TENT4A: variants seen among roughly 807,000 people sequenced by gnomAD.
The protein encoded by TENT4A is DNA polymerase kappa.
Under a neutral mutation model 72.8 loss-of-function variants are expected in TENT4A, and 7 were observed. The observed-to-expected ratio is 0.10, with a 90% CI of 0.05 to 0.18. The LOEUF is 0.18. TENT4A is among the 10% of genes least tolerant of loss of function. The pLI, the probability that TENT4A is intolerant of heterozygous loss-of-function variation, is 1.00. For synonymous variants in TENT4A, 456 were observed against 434.3 expected (o/e 1.05, Z -0.62); for missense variants, 831 against 1,017.7 (o/e 0.82, Z 2.50).
chr5:6,721,241 A>AGGTGG (rs1740632086), intron 1 of TENT4A, among the ~76,000 whole-genome samples: 1 of 152,234 alleles, frequency 6.6e-6, no homozygotes, highest in African/African-American at 2.4e-5. Flanking sequence ...TCAGGAGAGC[A>AGGTGG]GGTGGGGGAT....
In TENT4A at chr5:6,754,902, A is replaced by G; in HGVS notation, c.2336A>G (p.His779Arg). The change falls in exon 13 of 13, where the codon CAC (histidine) becomes CGC (arginine). Residue 779 changes from histidine to arginine, a missense_variant. Physicochemically the swap from His to Arg is conservative, Grantham distance 29 (BLOSUM62 0). Coordinates refer to ENST00000230859, the MANE Select transcript of TENT4A (RefSeq NM_006999.6). ...CGCACCGGCTGGAGGAGGAAAAAACACACACACACACGGGACAGTCTGCCC... is the reference window on the plus strand; with the variant it reads ...CGCACCGGCTGGAGGAGGAAAAAACGCACACACACACGGGACAGTCTGCCC... ...YNRTGWRRKKHTHTRDSLPVS... is the reference protein window; with the variant it reads ...YNRTGWRRKKRTHTRDSLPVS... 1 of 1,602,474 alleles carries G rather than the reference A, an allele frequency of 6.2e-7. No individual in the cohort carries two copies. Among genetic ancestry groups the G allele is most frequent in the Non-Finnish European group, 8.5e-7 (1 of 1,171,490 alleles).
chr5:6,716,644 A>T (rs560749493), intron 1 of TENT4A, among the ~76,000 whole-genome samples: 3 of 152,072 alleles, frequency 2.0e-5, no homozygotes, highest in Admixed American at 2.0e-4. Context: ...AATCCCCCAC[A>T]TTAAAGACTA....
intron 7 of TENT4A, 74 bp from the exon 8 acceptor site, chr5:6,748,390 T>G: frequency 6.3e-7 from 1 of 1,581,554 alleles, no homozygotes; most frequent in Non-Finnish European, 8.7e-7. Context: ...CAGAGTCACT[T>G]GTATGAGAAG....
In TENT4A at chr5:6,722,752, T is replaced by C. The variant is rs76457966; in HGVS notation, c.716+8053T>C. 8.5e-3 allele frequency among the ~76,000 whole-genome samples: 1,287 copies of C among 152,268 alleles called. 19 individuals are homozygous for C. Among genetic ancestry groups the C allele is most frequent in the African/African-American group, 0.03 (1,225 of 41,524 alleles). On this transcript the variant is annotated intron_variant, in intron 1 of 12. Coordinates refer to ENST00000230859, the MANE Select transcript of TENT4A (RefSeq NM_006999.6). Reference sequence around the variant, plus strand: ...AGTAGAAGGAGTGGATGAAGTGTTTTCTGAACTCTTTGCAGCTTCTAACAT... The same window carrying C: ...AGTAGAAGGAGTGGATGAAGTGTTTCCTGAACTCTTTGCAGCTTCTAACAT...
chr5:6,742,873 G>A (rs1177132824), intron 5 of TENT4A, among the ~76,000 whole-genome samples: 1 of 152,198 alleles, frequency 6.6e-6, no homozygotes, highest in Admixed American at 6.5e-5. Context: ...TACAGACTTT[G>A]CTTCTAGCTC....
At chr5:6,719,545 G>A (rs1740549388) in intron 1 of TENT4A, among the ~76,000 whole-genome samples, 1 of 152,204 alleles carries the variant, frequency 6.6e-6, no homozygotes, top group East Asian at 1.9e-4. Context: ...TGGCTTGTCA[G>A]TGCTTTGTCT....
rs746285850 is a variant in TENT4A, at chr5:6,754,797, C to G, written c.2231C>G (p.Thr744Ser). 1.2e-6 allele frequency: 2 copies of G among 1,602,008 alleles called. No homozygotes were observed. Among genetic ancestry groups the G allele is most frequent in the Non-Finnish European group, 8.5e-7 (1 of 1,170,452 alleles). The change falls in exon 13 of 13, where the codon ACC (threonine) becomes AGC (serine). Residue 744 changes from threonine (T) to serine (S), a missense_variant. Around this residue, in one of 3 missense-constraint regions of TENT4A, gnomAD observed 332 missense variants for 324.3 expected, o/e 1.02. Transcript: ENST00000230859. ...TCCATGAAGGGCTCTCACGGCCACACCCAAGGCGGCGGCTACAGCTCTGTG... is the reference window on the plus strand; with the variant it reads ...TCCATGAAGGGCTCTCACGGCCACAGCCAAGGCGGCGGCTACAGCTCTGTG... Reference protein sequence around the residue: ...KLSMKGSHGHTQGGGYSSVGS... With the variant: ...KLSMKGSHGHSQGGGYSSVGS...
chr5:6,752,978 T>C lies in TENT4A; in HGVS notation c.2125T>C (p.Ser709Pro), dbSNP rs1801745. 1.2e-6 allele frequency: 2 copies of C among 1,614,138 alleles called. No homozygotes were observed. Among genetic ancestry groups the C allele is most frequent in the Admixed American group, 3.3e-5 (2 of 60,010 alleles). ...TTTGAAAGCCGTCCACCACATGTCT[T>C]CCCCGGCCATTCCCTCAGCGTCCCC... Reference protein sequence around the residue: ...ASLKAVHHMSSPAIPSASPNP... With the variant: ...ASLKAVHHMSPPAIPSASPNP... The change falls in exon 12 of 13, where the codon TCC becomes CCC. Residue 709 changes from serine to proline, a missense_variant. By Grantham distance (74) the Ser-to-Pro change is moderately conservative (BLOSUM62 -1). This residue lies in a region of TENT4A where 332 missense variants were observed against 324.3 expected (regional missense o/e 1.02). Transcript: ENST00000230859.
At chr5:6,749,723 T>G (rs1742294218) in intron 9 of TENT4A, 66 bp downstream of exon 9, 20 of 1,026,956 alleles carry the variant, frequency 1.9e-5, no homozygotes, top group Non-Finnish European at 2.9e-5. Context: ...GAAGTGTCTC[T>G]ATTCCTTTGT....
chr5:6,713,529 T>C lies in TENT4A; in HGVS notation c.-455T>C, dbSNP rs1363057356. 1 of 146,256 alleles carries C rather than the reference T, an allele frequency of 6.8e-6. No individual in the cohort carries two copies. The highest frequency in any genetic ancestry group is 1.5e-5 in the Non-Finnish European group (1 of 66,112). The allele number at this position is 146,256 out of a possible 1,614,324, so 9.1% of individuals were successfully genotyped here. ...CAGCGGCGCGAGCGTGACTGAGGGC[T>C]AGCCGCACGGGCGGCGGCGCCTCCC... is the stretch of plus-strand genomic sequence containing the variant. On this transcript the variant is annotated 5_prime_UTR_variant, in exon 1 of 13. Transcript: ENST00000230859.
At chr5:6,725,912 A>T (rs1740896571) in intron 1 of TENT4A, among the ~76,000 whole-genome samples, 1 of 152,248 alleles carries the variant, frequency 6.6e-6, no homozygotes, top group African/African-American at 2.4e-5. Context: ...ACTAGTTTCT[A>T]AGAGATACTG....
chr5:6,754,536 G>T (rs1742585619), intron 12 of TENT4A, among the ~76,000 whole-genome samples: 1 of 152,176 alleles, frequency 6.6e-6, no homozygotes, highest in Non-Finnish European at 1.5e-5. Context: ...AATTTGTGTG[G>T]TTTGATCCTG....
At position 6,751,150 on chromosome 5, in the gene TENT4A, C is replaced by A; in HGVS notation, c.1972C>A (p.Pro658Thr). Reference sequence around the variant, plus strand: ...CGCCTTGCCAATGCCCAGTGGCAAACCTCAGCCCACCACTTCCAGAACACT... The same window carrying A: ...CGCCTTGCCAATGCCCAGTGGCAAAACTCAGCCCACCACTTCCAGAACACT... ...PTALPMPSGKPQPTTSRTLIM... is the reference protein window; with the variant it reads ...PTALPMPSGKTQPTTSRTLIM... Residue 658 changes from proline (P) to threonine (T), a missense_variant, in exon 11 of 13, where the codon CCT becomes ACT. This residue lies in a region of TENT4A where 332 missense variants were observed against 324.3 expected (regional missense o/e 1.02). Coordinates refer to ENST00000230859, the MANE Select transcript of TENT4A (RefSeq NM_006999.6). 6.2e-7 allele frequency: 1 copy of A among 1,614,242 alleles called. No homozygotes were observed. Among genetic ancestry groups the A allele is most frequent in the Non-Finnish European group, 8.5e-7 (1 of 1,180,046 alleles).
chr5:6,742,568 G>A lies in TENT4A; in HGVS notation c.1087G>A (p.Ala363Thr), dbSNP rs952798730. 4.3e-6 allele frequency: 7 copies of A among 1,612,424 alleles called. No homozygotes were observed. The highest frequency in any genetic ancestry group is 2.7e-5 in the African/African-American group (2 of 74,866). The change falls in exon 5 of 13, where the codon GCA (alanine) becomes ACA (threonine). Residue 363 changes from alanine (A) to threonine (T), a missense_variant. By Grantham distance (58) the Ala-to-Thr change is moderately conservative (BLOSUM62 0). Coordinates refer to ENST00000230859, the MANE Select transcript of TENT4A (RefSeq NM_006999.6). ...CTTTAACATGGAGACGGGCGTCCGG[G>A]CAGCGGAGTTCATCAAGAATTACAT... ...ISFNMETGVR[A>T]AEFIKNYMKK...
chr5:6,737,840 G>A (rs973076191), intron 2 of TENT4A, among the ~76,000 whole-genome samples: 1 of 152,146 alleles, frequency 6.6e-6, no homozygotes, highest in Non-Finnish European at 1.5e-5. Flanking sequence ...GACACCTGCG[G>A]TGGCCGCACA....
At chr5:6,729,364 T>G (rs896883117) in intron 1 of TENT4A, among the ~76,000 whole-genome samples, 1 of 152,280 alleles carries the variant, frequency 6.6e-6, no homozygotes, top group African/African-American at 2.4e-5. Flanking sequence ...GTTTTTAGCC[T>G]CTTGGCTTTT....
At chr5:6,728,553 A>G (rs184132278) in intron 1 of TENT4A, among the ~76,000 whole-genome samples, 1 of 152,188 alleles carries the variant, frequency 6.6e-6, no homozygotes, top group South Asian at 2.1e-4. Flanking sequence ...AGTCTAGGGT[A>G]TGGGATAACT....
intron 1 of TENT4A, 104 bp from the exon 2 acceptor site, chr5:6,737,406 C>G (rs1428399061): frequency 9.7e-7 from 1 of 1,035,770 alleles, no homozygotes; most frequent in Admixed American, 2.9e-5. Context: ...AACTGAATTT[C>G]GTGGCCAGAA....
intron 1 of TENT4A, among the ~76,000 whole-genome samples, chr5:6,716,134 C>T (rs184507547): frequency 8.0e-4 from 122 of 152,252 alleles, no homozygotes; most frequent in African/African-American, 2.8e-3. Context: ...GCATCAGGTC[C>T]CATGCACCTC....
Sources: gnomAD v4.1 joint callset for allele counts (sites outside exome capture counted in the v4.1 genomes callset) on GRCh38, gnomAD v4.1.1 for gene constraint, gnomAD v4.1.1 regional missense constraint, MANE v1.5 for transcripts, NCBI Gene and HGNC (gene_info 2026-07-23, HGNC 2026-07-21) for gene names.